The following CCDC171 variants were observed in gnomAD, a reference collection of about 807,000 sequenced individuals.
CCDC171 encodes the protein coiled-coil domain-containing protein 171.
A neutral mutation model predicts 168.2 loss-of-function variants in CCDC171; 177 were observed. That is an observed-to-expected ratio of 1.05 (90% CI 0.93 to 1.19). CCDC171 has a LOEUF of 1.19. Among genes scored for constraint, CCDC171 ranks in the 50% most tolerant of loss-of-function variants. The probability of loss-of-function intolerance (pLI) is 0.00; values close to 1 mark genes in which losing one functional copy is unlikely to be tolerated. For synonymous variants in CCDC171, 687 were observed against 540.8 expected, an observed-to-expected ratio of 1.27 and a Z score of -3.75; for missense variants, 1,991 against 1,539.0, an observed-to-expected ratio of 1.29 and a Z score of -4.91.
At chr9:15,718,498 A>G (rs2053237749) in intron 11 of CCDC171, among the ~76,000 whole-genome samples, 1 of 152,344 alleles carries the variant, frequency 6.6e-6, no homozygotes, top group South Asian at 2.1e-4. Context: ...TCGCCAGTTA[A>G]TGGTTACAGC....
intron 24 of CCDC171, among the ~76,000 whole-genome samples, chr9:15,904,852 A>G (rs1168648001): frequency 6.6e-6 from 1 of 151,886 alleles, no homozygotes; most frequent in African/African-American, 2.4e-5. Flanking sequence ...GGAAAACAAA[A>G]AAAGGCAGGG....
chr9:15,772,405 A>G (rs192316248), intron 18 of CCDC171, among the ~76,000 whole-genome samples: 13 of 152,020 alleles, frequency 8.6e-5, no homozygotes, highest in Non-Finnish European at 1.8e-4. Flanking sequence ...TAGATAAAAC[A>G]TTGCTTTGAA....
At chr9:15,770,093 A>G (rs892118175) in intron 18 of CCDC171, among the ~76,000 whole-genome samples, 6 of 152,228 alleles carry the variant, frequency 3.9e-5, no homozygotes, top group Admixed American at 3.3e-4. Flanking sequence ...GCCCTCCACT[A>G]TGTTGTAAAA....
At chr9:15,691,192 C>G (rs1564217428) in intron 10 of CCDC171, among the ~76,000 whole-genome samples, 2 of 151,814 alleles carry the variant, frequency 1.3e-5, no homozygotes, top group African/African-American at 4.8e-5. Context: ...TGCCAGAAAC[C>G]TAAAAAATAT....
chr9:15,698,520 CAAAAAAA>C (rs35301658), intron 11 of CCDC171, among the ~76,000 whole-genome samples: 1 of 106,988 alleles, frequency 9.3e-6, no homozygotes, highest in African/African-American at 3.4e-5. Context: ...GACCCCGTCT[CAAAAAAA>C]AAAAAAAAAA....
the CCDC171 span, among the ~76,000 whole-genome samples, chr9:16,089,439 T>A: frequency 6.6e-6 from 1 of 152,070 alleles, no homozygotes; most frequent in African/African-American, 2.4e-5. Flanking sequence ...GTTTTAGTCA[T>A]GAAGTCATTG....
chr9:15,587,727 T>C, intron 4 of CCDC171: 1 of 442,170 alleles, frequency 2.3e-6, no homozygotes, highest in South Asian at 1.6e-5. Context: ...GTATTACATT[T>C]ATAGTTTCTA....
At chr9:15,958,109 C>CTCATCCAT (rs1277178697) in intron 25 of CCDC171, among the ~76,000 whole-genome samples, 2 of 150,292 alleles carry the variant, frequency 1.3e-5, no homozygotes, top group African/African-American at 5.0e-5. Flanking sequence ...CATTAACTCA[C>CTCATCCAT]TCATCCATTC....
intron 6 of CCDC171, among the ~76,000 whole-genome samples, chr9:15,616,276 A>C (rs1194864727): frequency 6.6e-6 from 1 of 151,572 alleles, no homozygotes; most frequent in Non-Finnish European, 1.5e-5. Flanking sequence ...TTTAGGGATG[A>C]TGTTTTGCCA....
the CCDC171 span, among the ~76,000 whole-genome samples, chr9:16,094,396 G>A: frequency 6.6e-6 from 1 of 152,186 alleles, no homozygotes; most frequent in Non-Finnish European, 1.5e-5. Context: ...TATGGAGCGA[G>A]TGCTCGTTGT....
At chr9:15,871,799 C>G (rs1249241541) in intron 23 of CCDC171, among the ~76,000 whole-genome samples, 2 of 151,806 alleles carry the variant, frequency 1.3e-5, no homozygotes, top group Non-Finnish European at 2.9e-5. Flanking sequence ...CCCTTTATTT[C>G]TTCCGTTTCT....
the CCDC171 span, among the ~76,000 whole-genome samples, chr9:16,107,190 C>A: frequency 1.3e-5 from 2 of 152,102 alleles, no homozygotes; most frequent in East Asian, 1.9e-4. Context: ...CGCTCTGTCA[C>A]CCAGGCTGGA....
intron 24 of CCDC171, among the ~76,000 whole-genome samples, chr9:15,880,576 A>T (rs954307446): frequency 6.9e-6 from 1 of 145,230 alleles, no homozygotes; most frequent in African/African-American, 2.6e-5. Context: ...CCTGCCTCAG[A>T]CTCCTGAGTA....
intron 21 of CCDC171, among the ~76,000 whole-genome samples, chr9:15,814,164 A>G (rs1056035412): frequency 1.3e-5 from 2 of 152,164 alleles, no homozygotes; most frequent in Non-Finnish European, 2.9e-5. Context: ...TAGCCCATTG[A>G]TTTCCCAGAA....
At chr9:16,069,477 G>A in the CCDC171 span, among the ~76,000 whole-genome samples, 4 of 152,242 alleles carry the variant, frequency 2.6e-5, no homozygotes, top group Admixed American at 6.5e-5. Flanking sequence ...GCCAGCGTGC[G>A]AGCCTCTCGG....
intron 6 of CCDC171, among the ~76,000 whole-genome samples, chr9:16,023,442 T>G (rs928164499): frequency 2.6e-5 from 4 of 152,206 alleles, no homozygotes; most frequent in Admixed American, 2.6e-4. Context: ...GCAAAATGAT[T>G]AACATCTCAA....
intron 1 of CCDC171, among the ~76,000 whole-genome samples, chr9:15,563,683 A>G (rs192456862): frequency 3.9e-5 from 6 of 151,902 alleles, no homozygotes; most frequent in African/African-American, 1.4e-4. Flanking sequence ...CAAAATTTCA[A>G]CCTCTGTCCT....
chr9:15,907,242 A>C lies in CCDC171; in HGVS notation c.3601-13028A>C, dbSNP rs1386201956. Among the ~76,000 whole-genome samples the C allele has an allele frequency of 2.6e-5, 4 of 152,218 alleles. No individual in the cohort carries two copies. The East Asian group carries it at 7.7e-4, about 29-fold the overall frequency. ...AGAACAAAGCTGGAGACATCATGCT[A>C]CCTGACTTCAAACTATACTACAAGG... On this transcript the variant is annotated intron_variant, in intron 24 of 25. Coordinates refer to ENST00000380701, the MANE Select transcript of CCDC171 (RefSeq NM_173550.4).
intron 3 of CCDC171, among the ~76,000 whole-genome samples, chr9:16,015,651 T>C (rs1564120504): frequency 6.6e-6 from 1 of 152,182 alleles, no homozygotes; most frequent in South Asian, 2.1e-4. Flanking sequence ...AAATTGACCA[T>C]TTTAACCATT....
Sources: gnomAD v4.1 joint callset for allele counts (sites outside exome capture counted in the v4.1 genomes callset) on GRCh38, gnomAD v4.1.1 for gene constraint, MANE v1.5 for transcripts, NCBI Gene and HGNC (gene_info 2026-07-23, HGNC 2026-07-21) for gene names.